GLUL: variants seen among roughly 807,000 people sequenced by gnomAD.
GLUL encodes glutamate-ammonia ligase, also known as glutamine synthetase.
GLUL carries 8 observed loss-of-function variants against 36.9 expected under a neutral mutation model. The observed-to-expected ratio is 0.22, with a 90% CI of 0.13 to 0.39. The LOEUF (loss-of-function observed/expected upper bound fraction) is 0.39. Among genes scored for constraint, GLUL ranks in the 10% least tolerant of loss-of-function variants. The pLI is 1.00. For missense variants in GLUL, 315 were observed against 501.8 expected, an observed-to-expected ratio of 0.63 and a Z score of 3.56; for synonymous variants, 182 against 172.8, an observed-to-expected ratio of 1.05 and a Z score of -0.42.
In GLUL at chr1:182,378,384, A is replaced by C. The variant is rs1043636529; in HGVS notation, c.*6021T>G. The stretch of plus-strand genomic sequence containing the variant: ...ACATGCACTAGGATATCACTCTCCT[A>C]TATTAGAGGAGCTCCAAGCAGTGTA... On this transcript the variant is annotated 3_prime_UTR_variant, in exon 7 of 7. Coordinates refer to ENST00000331872, the MANE Select transcript of GLUL (RefSeq NM_001033044.4). 6.6e-6 allele frequency among the ~76,000 whole-genome samples: 1 copy of C among 152,232 alleles called. No homozygotes were observed. The highest frequency in any genetic ancestry group is 1.5e-5 in the Non-Finnish European group (1 of 68,038).
In GLUL at chr1:182,385,741, G is replaced by GGATT. The variant is rs759594838; in HGVS notation, c.603+15_603+18dup. On this transcript the variant is annotated intron_variant, in intron 5 of 6. Transcript: ENST00000331872. ...CACCTACCTACCCTTCTTCATTGAT[G>GGATT]GATTGGAGCTATACTTACCTGGGCA... 22 of 1,613,896 alleles carry GGATT rather than the reference G, an allele frequency of 1.4e-5. No individual in the cohort carries two copies. The highest frequency in any genetic ancestry group is 1.7e-5 in the Non-Finnish European group (20 of 1,179,842).
Position 182,381,942 on chromosome 1 carries a change from G to T in GLUL, c.*2463C>A, listed in dbSNP as rs886045600. 7 of 152,170 alleles carry T rather than the reference G, an allele frequency of 4.6e-5. No individual in the cohort carries two copies. The highest frequency in any genetic ancestry group is 8.8e-5 in the Non-Finnish European group (6 of 68,046). The allele number at this position is 152,170 out of a possible 1,614,324, so 9.4% of individuals were successfully genotyped here. A position where few individuals can be genotyped will look rare whatever the true frequency, so the allele number is the denominator to read the frequency against. ...CTAGGACCACGCCAGCAAGCTAATA[G>T]GTAGATGACTCTACTTTGAATATTA... On this transcript the variant is annotated 3_prime_UTR_variant, in exon 7 of 7. Coordinates refer to ENST00000331872, the MANE Select transcript of GLUL (RefSeq NM_001033044.4).
rs1040585271 is a variant in GLUL at position 182,380,651 on chromosome 1, G to C, written c.*3754C>G. Among the ~76,000 whole-genome samples the C allele has an allele frequency of 6.6e-6, 1 of 152,186 alleles. No individual in the cohort carries two copies. Among genetic ancestry groups the C allele is most frequent in the South Asian group, 2.1e-4 (1 of 4,832 alleles). ...ACTTTGTCTTGCTGTCATGGCCAGA[G>C]TTAAAATACAGTCAAACAACAAAGA... On this transcript the variant is annotated 3_prime_UTR_variant, in exon 7 of 7. Transcript: ENST00000331872.
rs936504892 is a variant in GLUL, at chr1:182,391,750, G to C, written c.-85C>G. 6.6e-6 allele frequency: 1 copy of C among 152,590 alleles called. No individual in the cohort carries two copies. Among genetic ancestry groups the C allele is most frequent in the African/African-American group, 2.4e-5 (1 of 41,484 alleles). The allele number at this position is 152,590 out of a possible 1,614,324, so 9.5% of individuals were successfully genotyped here. A position where few individuals can be genotyped will look rare whatever the true frequency, so the allele number is the denominator to read the frequency against. ...GGTTAGGAGAGGAGAGGAGGCCGCA[G>C]TACTGCTCACACGCTCCGCTCTTCT... On this transcript the variant is annotated 5_prime_UTR_variant, in exon 1 of 7. Coordinates refer to ENST00000331872, the MANE Select transcript of GLUL (RefSeq NM_001033044.4).
In GLUL at chr1:182,380,611, C is replaced by T. The variant is rs1472935687; in HGVS notation, c.*3794G>A. ...TCACCTGGCCTTGATTCTTTTTAAG[C>T]TCAATAAAAATGGAACTTTGTCTTG... On this transcript the variant is annotated 3_prime_UTR_variant, in exon 7 of 7. Coordinates refer to ENST00000331872, the MANE Select transcript of GLUL (RefSeq NM_001033044.4). Among the ~76,000 whole-genome samples the T allele has an allele frequency of 6.6e-6, 1 of 152,202 alleles. No individual in the cohort carries two copies. The highest frequency in any genetic ancestry group is 2.4e-5 in the African/African-American group (1 of 41,454).
chr1:182,390,537 C>A (rs1354166397), intron 1 of GLUL: 1 of 399,086 alleles, frequency 2.5e-6, no homozygotes, highest in African/African-American at 2.1e-5. Flanking sequence ...GGGTTGCCCT[C>A]TTTAACCCTT....
Position 182,386,957 on chromosome 1 carries a change from G to A in GLUL, c.328+174C>T. ...CCAACAGAGAAGACCATAGAAAGAT[G>A]GGCCATATTATCTCTTCCTCAAAGC... On this transcript the variant is annotated intron_variant, in intron 3 of 6. Coordinates refer to ENST00000331872, the MANE Select transcript of GLUL (RefSeq NM_001033044.4). 1.5e-5 allele frequency: 10 copies of A among 676,830 alleles called. No homozygotes were observed. The South Asian group carries it at 1.6e-4, about 11-fold the overall frequency. The allele number at this position is 676,830 out of a possible 1,614,324, so 41.9% of individuals were successfully genotyped here.
Position 182,379,247 on chromosome 1 carries a change from ATG to A in GLUL, c.*5156_*5157del, listed in dbSNP as rs1649841130. Among the ~76,000 whole-genome samples, 1 of 151,064 alleles carries A rather than the reference ATG, an allele frequency of 6.6e-6. No individual in the cohort carries two copies. Among genetic ancestry groups the A allele is most frequent in the African/African-American group, 2.4e-5 (1 of 41,024 alleles). On this transcript the variant is annotated 3_prime_UTR_variant, in exon 7 of 7. Coordinates refer to ENST00000331872, the MANE Select transcript of GLUL (RefSeq NM_001033044.4). ...TTTATTTATTTGTTTATTTTTTGAT[ATG>A]TCTCACTCTTTTGCCCAGGCTGGAG...
intron 1 of GLUL, chr1:182,391,046 G>T: frequency 5.0e-6 from 2 of 397,336 alleles, no homozygotes; most frequent in Non-Finnish European, 8.9e-6. Context: ...GGGACTGCGC[G>T]CTGCTGCTGC....
intron 3 of GLUL, 55 bp downstream of exon 3, chr1:182,387,076 C>T: frequency 1.5e-6 from 2 of 1,345,190 alleles, no homozygotes; most frequent in Non-Finnish European, 2.1e-6. Flanking sequence ...TTCTCCCTCC[C>T]CTTCACAGCA....
intron 6 of GLUL, 139 bp downstream of exon 6, chr1:182,385,218 C>A: frequency 1.4e-6 from 1 of 716,492 alleles, no homozygotes; most frequent in South Asian, 1.5e-5. Flanking sequence ...TACGTCCAGA[C>A]TGAGAAGTCA....
intron 4 of GLUL, 170 bp from the exon 5 acceptor site, chr1:182,386,057 A>C (rs1650166562): frequency 1.2e-6 from 1 of 868,380 alleles, no homozygotes; most frequent in South Asian, 1.3e-5. Flanking sequence ...CCACAGCTTC[A>C]GTGGGGCCAA....
chr1:182,386,337 C>T lies in GLUL; in HGVS notation c.394G>A (p.Gly132Ser). The T allele has an allele frequency of 6.2e-7, 1 of 1,612,076 alleles. No homozygotes were observed. Among genetic ancestry groups the T allele is most frequent in the Non-Finnish European group, 8.5e-7 (1 of 1,178,116 alleles). ...ATGAGGGTATACTCCTGCTCCATGC[C>T]AAACCAGGGGTGCTGGTTGCTCACC... ...DMVSNQHPWF[G>S]MEQEYTLMGT... Residue 132 changes from glycine (G) to serine (S), a missense_variant, in exon 4 of 7, where the codon GGC becomes AGC. Transcript: ENST00000331872.
At chr1:182,388,794 A>G in intron 1 of GLUL, 44 bp from the exon 2 acceptor site, 4 of 1,462,706 alleles carry the variant, frequency 2.7e-6, no homozygotes, top group Non-Finnish European at 3.8e-6. Flanking sequence ...CCCACTCCAA[A>G]CTGATCCCCT....
At position 182,381,223 on chromosome 1, in the gene GLUL, C is replaced by A. The variant is rs116031822; in HGVS notation, c.*3182G>T. ...CAGAAGTTGCAGTGAGCCAAGATTGCGCCACACTATACTCCAGCCTGGGTG... is the reference window on the plus strand; with the variant it reads ...CAGAAGTTGCAGTGAGCCAAGATTGAGCCACACTATACTCCAGCCTGGGTG... On this transcript the variant is annotated 3_prime_UTR_variant, in exon 7 of 7. Coordinates refer to ENST00000331872, the MANE Select transcript of GLUL (RefSeq NM_001033044.4). 0.013 allele frequency among the ~76,000 whole-genome samples: 1,976 copies of A among 152,256 alleles called. 21 individuals are homozygous for A. The highest frequency in any genetic ancestry group is 0.02 in the Middle Eastern group (6 of 294).
At position 182,379,083 on chromosome 1, in the gene GLUL, G is replaced by A. The variant is rs1049637697; in HGVS notation, c.*5322C>T. On this transcript the variant is annotated 3_prime_UTR_variant, in exon 7 of 7. Coordinates refer to ENST00000331872, the MANE Select transcript of GLUL (RefSeq NM_001033044.4). ...AGGCTTGAGCCACCATGCCCGGCCT[G>A]AAGTAGAATTTTTTTAAATGAACGG... Among the ~76,000 whole-genome samples the A allele has an allele frequency of 6.6e-6, 1 of 151,392 alleles. No homozygotes were observed. Among genetic ancestry groups the A allele is most frequent in the Non-Finnish European group, 1.5e-5 (1 of 67,784 alleles).
Position 182,385,466 on chromosome 1 carries a change from A to G in GLUL, c.694T>C (p.Phe232Leu), listed in dbSNP as rs766607533. Residue 232 changes from phenylalanine to leucine, a missense_variant, in exon 6 of 7, where the codon TTT becomes CTT. Around this residue, in one of 3 missense-constraint regions of GLUL, gnomAD observed 256 missense variants for 396.1 expected, o/e 0.65. Coordinates refer to ENST00000331872, the MANE Select transcript of GLUL (RefSeq NM_001033044.4). ...GGATCAAAGGTTGCTATCACTCCAA[A>G]GTCTTCACACACACGATGCAAGATG... is the stretch of plus-strand genomic sequence containing the variant. The part of the protein sequence containing the change: ...RFILHRVCED[F>L]GVIATFDPKP... The G allele has an allele frequency of 6.2e-7, 1 of 1,613,970 alleles. No individual in the cohort carries two copies. The highest frequency in any genetic ancestry group is 8.5e-7 in the Non-Finnish European group (1 of 1,179,854).
rs1650040184 is a variant in GLUL at position 182,383,729 on chromosome 1, CTTTACA to C, written c.*670_*675del. 1 of 152,278 alleles carries C rather than the reference CTTTACA, an allele frequency of 6.6e-6. No homozygotes were observed. Among genetic ancestry groups the C allele is most frequent in the South Asian group, 2.1e-4 (1 of 4,844 alleles). The allele number at this position is 152,278 out of a possible 1,614,324, so 9.4% of individuals were successfully genotyped here. ...CAAAACCATACATATAGTTTTTTGT[CTTTACA>C]TTTAAATATAAAAATACTATTCTGC... On this transcript the variant is annotated 3_prime_UTR_variant, in exon 7 of 7. Coordinates refer to ENST00000331872, the MANE Select transcript of GLUL (RefSeq NM_001033044.4).
At chr1:182,388,428 CT>C (rs1381582767) in intron 2 of GLUL, 143 bp downstream of exon 2, 4 of 740,530 alleles carry the variant, frequency 5.4e-6, no homozygotes, top group African/African-American at 5.2e-5. Context: ...TTAATGTTGA[CT>C]GAATAAAGTC....
Sources: gnomAD v4.1 joint callset for allele counts (sites outside exome capture counted in the v4.1 genomes callset) on GRCh38, gnomAD v4.1.1 for gene constraint, gnomAD v4.1.1 regional missense constraint, MANE v1.5 for transcripts, NCBI Gene and HGNC (gene_info 2026-07-23, HGNC 2026-07-21) for gene names.